The following SERPINB9 variants were observed in gnomAD, a reference collection of about 807,000 sequenced individuals.
SERPINB9 encodes serpin family B member 9.
Under a neutral mutation model 27.2 loss-of-function variants are expected in SERPINB9, and 20 were observed. The observed-to-expected ratio is 0.74, with a 90% CI of 0.52 to 1.07. The LOEUF (loss-of-function observed/expected upper bound fraction) is 1.07. Among genes scored for constraint, SERPINB9 ranks in the 50% least tolerant of loss-of-function variants. SERPINB9 has a pLI of 0.00. For missense variants in SERPINB9, 476 were observed against 460.1 expected (o/e 1.03, Z -0.32); for synonymous variants, 189 against 180.0 (o/e 1.05, Z -0.40).
At position 2,890,922 on chromosome 6, in the gene SERPINB9, G is replaced by C. The variant is rs1198741218; in HGVS notation, c.724-352C>G. ...TTTTAAAGACAACAAACCATTGCTA[G>C]TAAAGAAAAGGATTGGAAACGAAAG... is the stretch of plus-strand genomic sequence containing the variant. On this transcript the variant is annotated intron_variant, in intron 6 of 6. Transcript: ENST00000380698. This position sits in a 1 kb window ranked among gnomAD's most constrained non-coding sequence, Gnocchi z 6.2. 6.6e-6 allele frequency among the ~76,000 whole-genome samples: 1 copy of C among 152,048 alleles called. No homozygotes were observed. The highest frequency in any genetic ancestry group is 1.5e-5 in the Non-Finnish European group (1 of 68,002).
At chr6:2,900,388 G>A in intron 2 of SERPINB9, 56 bp downstream of exon 2, 2 of 1,583,920 alleles carry the variant, frequency 1.3e-6, no homozygotes, top group Non-Finnish European at 8.6e-7. Flanking sequence ...TGTGAAGCTG[G>A]TGACAGAACA....
chr6:2,898,814 G>GAA (rs750239601), intron 2 of SERPINB9, among the ~76,000 whole-genome samples: 2 of 137,364 alleles, frequency 1.5e-5, no homozygotes, highest in Non-Finnish European at 1.6e-5. Flanking sequence ...ACTCTGTCTC[G>GAA]AAAAAAAAAA....
Position 2,888,300 on chromosome 6 carries a change from G to A in SERPINB9, c.*1863C>T, listed in dbSNP as rs1215863796. 6.6e-6 allele frequency: 1 copy of A among 152,136 alleles called. No homozygotes were observed. The highest frequency in any genetic ancestry group is 1.5e-5 in the Non-Finnish European group (1 of 68,022). 9.4% of individuals were successfully genotyped at this position (152,136 alleles called of 1,614,324 possible). On this transcript the variant is annotated 3_prime_UTR_variant, in exon 7 of 7. Transcript: ENST00000380698. Reference sequence around the variant, plus strand: ...TCTGTTCCTCAAAAAGCTAAACATAGAATTAACATATGACCCAGCAGTTCC... The same window carrying A: ...TCTGTTCCTCAAAAAGCTAAACATAAAATTAACATATGACCCAGCAGTTCC...
At chr6:2,902,268 T>A (rs540840037) in intron 1 of SERPINB9, among the ~76,000 whole-genome samples, 18 of 152,272 alleles carry the variant, frequency 1.2e-4, no homozygotes, top group African/African-American at 3.9e-4. Flanking sequence ...TGGAGGAGGT[T>A]CTCTTGACCC....
chr6:2,890,405 T>G lies in SERPINB9; in HGVS notation c.889A>C (p.Lys297Gln). The G allele has an allele frequency of 6.2e-7, 1 of 1,614,224 alleles. No individual in the cohort carries two copies. The highest frequency in any genetic ancestry group is 8.5e-7 in the Non-Finnish European group (1 of 1,180,044). The part of the protein sequence containing the change: ...LGIVDAFQQG[K>Q]ADLSAMSAER... ...GCTGACATTGCCGACAAGTCAGCCTTGCCCTGTTGGAAGGCATCAACAATT... is the reference window on the plus strand; with the variant it reads ...GCTGACATTGCCGACAAGTCAGCCTGGCCCTGTTGGAAGGCATCAACAATT... The change falls in exon 7 of 7, where the codon AAG (lysine) becomes CAG (glutamine). Residue 297 changes from lysine (K) to glutamine (Q), a missense_variant. Lys to Gln is a moderately conservative substitution (Grantham distance 53). Coordinates refer to ENST00000380698, the MANE Select transcript of SERPINB9 (RefSeq NM_004155.6). This position sits in a 1 kb window ranked among gnomAD's most constrained non-coding sequence, Gnocchi z 6.2.
chr6:2,899,802 T>C (rs375546999), intron 2 of SERPINB9: 10 of 337,102 alleles, frequency 3.0e-5, no homozygotes, highest in South Asian at 2.3e-4. Flanking sequence ...GATGAAGGCG[T>C]GTCCAGCGGC....
intron 2 of SERPINB9, among the ~76,000 whole-genome samples, chr6:2,896,944 A>T (rs952505248): frequency 6.6e-6 from 1 of 151,658 alleles, no homozygotes; most frequent in Non-Finnish European, 1.5e-5. Context: ...GTTTGAGGCT[A>T]GCCTGGGCAA....
chr6:2,899,637 G>A (rs1014747893), intron 2 of SERPINB9, among the ~76,000 whole-genome samples: 3 of 152,112 alleles, frequency 2.0e-5, no homozygotes, highest in African/African-American at 7.2e-5. Flanking sequence ...CTTTTAGAGA[G>A]CCTCTCTGTG....
In SERPINB9 at chr6:2,890,452, T is replaced by G; in HGVS notation, c.842A>C (p.Glu281Ala). 1 of 1,614,204 alleles carries G rather than the reference T, an allele frequency of 6.2e-7. No homozygotes were observed. Among genetic ancestry groups the G allele is most frequent in the Non-Finnish European group, 8.5e-7 (1 of 1,180,034 alleles). ...AATTCCCAAATGCCGAAGCACAGAT[T>G]CCATGTCATAATCCTCTTGTAGTTT... ...KFKLQEDYDM[E>A]SVLRHLGIVD... Residue 281 changes from glutamate (E) to alanine (A), a missense_variant, in exon 7 of 7, where the codon GAA (glutamate) becomes GCA (alanine). Glu to Ala is a moderately radical substitution (Grantham distance 107, BLOSUM62 -1). Coordinates refer to ENST00000380698, the MANE Select transcript of SERPINB9 (RefSeq NM_004155.6). The surrounding 1 kb of genome is among the most constrained non-coding windows in gnomAD (Gnocchi z 6.2).
intron 4 of SERPINB9, 77 bp from the exon 5 acceptor site, chr6:2,893,630 T>A: frequency 1.5e-6 from 2 of 1,307,136 alleles, no homozygotes; most frequent in Non-Finnish European, 2.1e-6. Flanking sequence ...GGATCATTAG[T>A]TGAGAAGCAA....
chr6:2,890,202 G>A lies in SERPINB9; in HGVS notation c.1092C>T (p.Ala364=). Residue 364 remains alanine, a synonymous_variant, in exon 7 of 7, where the codon GCC becomes GCT. Transcript: ENST00000380698. The surrounding 1 kb of genome is among the most constrained non-coding windows in gnomAD (Gnocchi z 6.2). ...PFLFFIRHNR[A]NSILFCGRFS... ...ACCTGCCACAGAACAGAATGCTGTT[G>A]GCTCTGTTGTGCCTGATGAAGAAAA... The A allele has an allele frequency of 6.2e-7, 1 of 1,614,182 alleles. No homozygotes were observed. Among genetic ancestry groups the A allele is most frequent in the Non-Finnish European group, 8.5e-7 (1 of 1,180,020 alleles).
chr6:2,901,509 G>C (rs1215766161), intron 1 of SERPINB9, among the ~76,000 whole-genome samples: 15 of 152,224 alleles, frequency 9.9e-5, no homozygotes, highest in African/African-American at 3.4e-4. Flanking sequence ...AACAGCCCAA[G>C]GTGAGGAGTA....
At position 2,893,504 on chromosome 6, in the gene SERPINB9, C is replaced by T; in HGVS notation, c.474G>A (p.Arg158=). The T allele has an allele frequency of 6.2e-7, 1 of 1,612,896 alleles. No individual in the cohort carries two copies. The highest frequency in any genetic ancestry group is 8.5e-7 in the Non-Finnish European group (1 of 1,179,372). Residue 158 remains arginine, a synonymous_variant, in exon 5 of 7, where the codon AGG becomes AGA. Transcript: ENST00000380698. The part of the protein sequence containing the change: ...LPGSSIDAET[R]LVLVNAIYFK... ...AGTAGATGGCATTGACAAGAACCAG[C>T]CTGGTTTCTGCATCAATTGAGCTAC...
At chr6:2,895,054 G>A (rs1357195306) in intron 4 of SERPINB9, among the ~76,000 whole-genome samples, 1 of 152,168 alleles carries the variant, frequency 6.6e-6, no homozygotes, top group Non-Finnish European at 1.5e-5. Context: ...ACCGTGGCTG[G>A]CCCTCTTTTG....
chr6:2,895,059 C>T (rs747241545), intron 4 of SERPINB9, among the ~76,000 whole-genome samples: 1 of 152,124 alleles, frequency 6.6e-6, no homozygotes, highest in Non-Finnish European at 1.5e-5. Flanking sequence ...GGCTGGCCCT[C>T]TTTTGACATT....
At chr6:2,893,015 T>TACTGCCTCTCACTCCCACATATCAC (rs1767861605) in intron 5 of SERPINB9, among the ~76,000 whole-genome samples, 1 of 148,334 alleles carries the variant, frequency 6.7e-6, no homozygotes, top group African/African-American at 2.5e-5. Flanking sequence ...CCCTGCCCTA[T>TACTGCCTCTCACTCCCACATATCAC]ACTGCCTCTC....
At chr6:2,899,527 CT>C (rs561923302) in intron 2 of SERPINB9, among the ~76,000 whole-genome samples, 1 of 152,080 alleles carries the variant, frequency 6.6e-6, no homozygotes, top group Non-Finnish European at 1.5e-5. Context: ...TTACTTTTTC[CT>C]TTAAAAATCT....
rs1265479089 is a variant in SERPINB9 at position 2,888,261 on chromosome 6, T to G, written c.*1902A>C. 2.0e-5 allele frequency: 3 copies of G among 152,250 alleles called. No homozygotes were observed. Among genetic ancestry groups the G allele is most frequent in the Non-Finnish European group, 4.4e-5 (3 of 68,042 alleles). The allele number at this position is 152,250 out of a possible 1,614,324, so 9.4% of individuals were successfully genotyped here. On this transcript the variant is annotated 3_prime_UTR_variant, in exon 7 of 7. Coordinates refer to ENST00000380698, the MANE Select transcript of SERPINB9 (RefSeq NM_004155.6). ...GGAATGTGGAATGGTTCAACTGCTG[T>G]GGAAAACAGTTTGTCTGTTCCTCAA...
At chr6:2,899,506 T>C (rs946902688) in intron 2 of SERPINB9, among the ~76,000 whole-genome samples, 4 of 152,264 alleles carry the variant, frequency 2.6e-5, no homozygotes, top group African/African-American at 9.6e-5. Context: ...AAAGGAATTA[T>C]GTAATCCTCT....
Sources: allele counts gnomAD v4.1 joint callset (sites outside exome capture counted in the v4.1 genomes callset), GRCh38; gene constraint gnomAD v4.1.1; non-coding constraint Gnocchi (gnomAD v3.1); transcripts MANE v1.5; gene names NCBI Gene and HGNC (gene_info 2026-07-23, HGNC 2026-07-21).